The following CCDC141 variants were observed in gnomAD, a reference collection of about 807,000 sequenced individuals.
The protein encoded by CCDC141 is coiled-coil domain-containing protein 141.
A neutral mutation model predicts 181.0 loss-of-function variants in CCDC141; 168 were observed. That is an observed-to-expected ratio of 0.93 (90% CI 0.82 to 1.05). CCDC141 has a LOEUF of 1.05. Ranked by LOEUF, CCDC141 falls within the 50% of genes least tolerant of loss-of-function variation. The probability of loss-of-function intolerance (pLI) is 0.00; values close to 1 mark genes in which losing one functional copy is unlikely to be tolerated. For missense variants in CCDC141, 1,902 were observed against 1,788.5 expected (o/e 1.06, Z -1.14); for synonymous variants, 666 against 642.3 (o/e 1.04, Z -0.56).
At chr2:178,892,711 CTT>C (rs1687217655) in intron 8 of CCDC141, among the ~76,000 whole-genome samples, 1 of 152,178 alleles carries the variant, frequency 6.6e-6, no homozygotes, top group African/African-American at 2.4e-5. Context: ...TGACCCCACT[CTT>C]TGCCAGCAAT....
chr2:179,018,520 T>C lies in CCDC141; in HGVS notation c.225+28764A>G, dbSNP rs563021799. On this transcript the variant is annotated intron_variant, in intron 2 of 23. Transcript: ENST00000443758. ...CACAAATTTCTTTTAGCTTTTGCTG[T>C]TGTTTTTCTGAAGGATTTTAGCTAG... Among the ~76,000 whole-genome samples, 3 of 152,332 alleles carry C rather than the reference T, an allele frequency of 2.0e-5. 1 individual carries two copies. The highest frequency in any genetic ancestry group is 7.2e-5 in the African/African-American group (3 of 41,590).
chr2:178,817,598 T>C, the CCDC141 span: 1 of 470,870 alleles, frequency 2.1e-6, no homozygotes, highest in Admixed American at 2.3e-5. Context: ...TTCTGGACAC[T>C]GTGCAGTGTG....
chr2:179,006,023 T>C (rs1575334399), intron 2 of CCDC141, among the ~76,000 whole-genome samples: 1 of 152,146 alleles, frequency 6.6e-6, no homozygotes, highest in Non-Finnish European at 1.5e-5. Flanking sequence ...AGGATACACC[T>C]CCAACAGCCA....
At chr2:178,848,550 G>C (rs759388541) in intron 21 of CCDC141, among the ~76,000 whole-genome samples, 1 of 152,168 alleles carries the variant, frequency 6.6e-6, no homozygotes, top group Non-Finnish European at 1.5e-5. Context: ...TGAGGAAGTG[G>C]GAGAGGCTGT....
intron 4 of CCDC141, among the ~76,000 whole-genome samples, chr2:178,963,635 G>T: frequency 6.6e-6 from 1 of 151,822 alleles, no homozygotes; most frequent in African/African-American, 2.4e-5. Context: ...TGAGGTAGTT[G>T]GGCCAGTTTT....
intron 2 of CCDC141, among the ~76,000 whole-genome samples, chr2:179,018,835 A>T (rs1344172678): frequency 1.1e-4 from 17 of 152,316 alleles, no homozygotes; most frequent in Admixed American, 9.2e-4. Flanking sequence ...TTTCTTTTTA[A>T]ATACAATATG....
the CCDC141 span, chr2:178,817,648 C>T: frequency 1.8e-5 from 8 of 447,026 alleles, no homozygotes; most frequent in African/African-American, 6.1e-5. Flanking sequence ...ACAGGTCTAA[C>T]ACTTTCTAGG....
intron 2 of CCDC141, among the ~76,000 whole-genome samples, chr2:179,044,756 C>A (rs796980928): frequency 6.6e-6 from 1 of 152,136 alleles, no homozygotes; most frequent in Admixed American, 6.6e-5. Flanking sequence ...ATCATGAGAA[C>A]GCAAACTTCT....
chr2:179,008,670 A>G (rs1488993629), intron 2 of CCDC141, among the ~76,000 whole-genome samples: 1 of 151,972 alleles, frequency 6.6e-6, no homozygotes, highest in Admixed American at 6.6e-5. Context: ...TGGAAGCACC[A>G]CTCCACATAT....
chr2:178,988,241 T>C (rs1298353714), intron 2 of CCDC141, among the ~76,000 whole-genome samples: 1 of 148,746 alleles, frequency 6.7e-6, no homozygotes, highest in Non-Finnish European at 1.5e-5. Context: ...ACACCGTATA[T>C]TCTCACTCAT....
chr2:178,867,638 A>G (rs2154368774), intron 16 of CCDC141, among the ~76,000 whole-genome samples: 1 of 152,282 alleles, frequency 6.6e-6, no homozygotes, highest in African/African-American at 2.4e-5. Context: ...GTTGTCCCAT[A>G]ACTATACTGA....
At chr2:178,874,233 G>A (rs1686254394) in intron 12 of CCDC141, 1 of 152,132 alleles carries the variant, frequency 6.6e-6, no homozygotes, top group African/African-American at 2.4e-5. Flanking sequence ...CTCTCCAAAT[G>A]TTGCTAACCA....
rs10179014 is a variant in CCDC141, at chr2:178,902,692, A to C, written c.1265+2637T>G. On this transcript the variant is annotated intron_variant, in intron 8 of 23. Transcript: ENST00000443758. Reference sequence around the variant, plus strand: ...AGGCATTACCATTCAGGACATAGGCATGGGCAAGGACTTCATGTCTAAACC... The same window carrying C: ...AGGCATTACCATTCAGGACATAGGCCTGGGCAAGGACTTCATGTCTAAACC... Among the ~76,000 whole-genome samples, 232 of 148,698 alleles carry C rather than the reference A, an allele frequency of 1.6e-3. 1 individual carries two copies. Among genetic ancestry groups the C allele is most frequent in the Middle Eastern group, 3.4e-3 (1 of 292 alleles).
chr2:178,896,052 G>A (rs925627479), intron 8 of CCDC141, among the ~76,000 whole-genome samples: 2 of 152,136 alleles, frequency 1.3e-5, no homozygotes, highest in Non-Finnish European at 2.9e-5. Context: ...TGTCACAAAT[G>A]AAATAACTAA....
At chr2:178,874,382 A>G (rs1686263703) in intron 12 of CCDC141, 1 of 152,204 alleles carries the variant, frequency 6.6e-6, no homozygotes, top group Admixed American at 6.5e-5. Flanking sequence ...ACAGTAGTAA[A>G]ATATATGCTA....
chr2:178,884,738 C>T (rs888295857), intron 11 of CCDC141, among the ~76,000 whole-genome samples, 163 bp downstream of exon 11: 1 of 152,258 alleles, frequency 6.6e-6, no homozygotes, highest in Non-Finnish European at 1.5e-5. Flanking sequence ...AGAACTGCTG[C>T]AATCACTCTT....
At chr2:178,946,166 A>G (rs1209789718) in intron 5 of CCDC141, among the ~76,000 whole-genome samples, 1 of 152,128 alleles carries the variant, frequency 6.6e-6, no homozygotes, top group Non-Finnish European at 1.5e-5. Flanking sequence ...TAATCTATGC[A>G]CAAAATACAC....
At chr2:178,982,722 C>G (rs896633870) in intron 2 of CCDC141, among the ~76,000 whole-genome samples, 1 of 152,184 alleles carries the variant, frequency 6.6e-6, no homozygotes, top group Non-Finnish European at 1.5e-5. Flanking sequence ...CCTGGAGAAT[C>G]GGGTCACTCC....
the CCDC141 span, among the ~76,000 whole-genome samples, chr2:178,821,770 A>G: frequency 6.6e-6 from 1 of 152,048 alleles, no homozygotes; most frequent in Non-Finnish European, 1.5e-5. Flanking sequence ...CAGGTGCTGG[A>G]GAGGATGTGG....
Sources: gnomAD v4.1 joint callset for allele counts (sites outside exome capture counted in the v4.1 genomes callset) on GRCh38, gnomAD v4.1.1 for gene constraint, MANE v1.5 for transcripts, NCBI Gene and HGNC (gene_info 2026-07-23, HGNC 2026-07-21) for gene names.